COL28A1: variants seen among roughly 807,000 people sequenced by gnomAD.
COL28A1 encodes collagen type XXVIII alpha 1 chain.
COL28A1 carries 161 observed loss-of-function variants against 150.2 expected under a neutral mutation model. The ratio of observed to expected loss-of-function variants is 1.07; its 90% confidence interval spans 0.94 to 1.22. The LOEUF is 1.22. COL28A1 is among the 50% of genes most tolerant of loss of function. COL28A1 has a pLI of 0.00. For synonymous variants in COL28A1, 552 were observed against 469.7 expected (o/e 1.18, Z -2.26); for missense variants, 1,617 against 1,388.3 (o/e 1.16, Z -2.62).
Position 7,373,295 on chromosome 7 carries a change from G to T in COL28A1, c.2611C>A (p.Leu871Met). 1 of 1,614,154 alleles carries T rather than the reference G, an allele frequency of 6.2e-7. No individual in the cohort carries two copies. The highest frequency in any genetic ancestry group is 1.1e-5 in the South Asian group (1 of 91,078). ...FKLAVDNMQYLGEGTYTATAL... is the reference protein window; with the variant it reads ...FKLAVDNMQYMGEGTYTATAL... ...GTGGCTGTGTATGTGCCTTCCCCCAGATACTGCATGTTGTCCACAGCCAAC... is the reference window on the plus strand; with the variant it reads ...GTGGCTGTGTATGTGCCTTCCCCCATATACTGCATGTTGTCCACAGCCAAC... Residue 871 changes from leucine (L) to methionine (M), a missense_variant, in exon 32 of 35, where the codon CTG (leucine) becomes ATG (methionine). Physicochemically the swap from Leu to Met is conservative, Grantham distance 15. Coordinates refer to ENST00000399429, the MANE Select transcript of COL28A1 (RefSeq NM_001037763.3). The surrounding 1 kb of genome is among the most constrained non-coding windows in gnomAD (Gnocchi z 4.1).
At chr7:7,435,354 A>G (rs949803494) in intron 23 of COL28A1, among the ~76,000 whole-genome samples, 4 of 152,212 alleles carry the variant, frequency 2.6e-5, no homozygotes, top group African/African-American at 9.6e-5. Flanking sequence ...TGAGCTGTCT[A>G]TATAGCTTGT....
chr7:7,474,647 G>A lies in COL28A1; in HGVS notation c.1256C>T (p.Pro419Leu). ...GCCTTGTAATCCCTGTGGGCCAGTTGGTCCTTCAGAACCTTTTTCACCCTG... is the reference window on the plus strand; with the variant it reads ...GCCTTGTAATCCCTGTGGGCCAGTTAGTCCTTCAGAACCTTTTTCACCCTG... ...GPKGEKGSEG[P>L]TGPQGLQGLS... The change falls in exon 15 of 35, where the codon CCA becomes CTA. Residue 419 changes from proline (P) to leucine (L), a missense_variant. Transcript: ENST00000399429. The A allele has an allele frequency of 7.0e-7, 1 of 1,429,766 alleles. No homozygotes were observed. The highest frequency in any genetic ancestry group is 9.9e-7 in the Non-Finnish European group (1 of 1,012,194). 88.6% of individuals were successfully genotyped at this position (1,429,766 alleles called of 1,614,324 possible). A position where few individuals can be genotyped will look rare whatever the true frequency, so the allele number is the denominator to read the frequency against.
intron 27 of COL28A1, among the ~76,000 whole-genome samples, chr7:7,411,459 TC>T (rs1288730416): frequency 1.3e-5 from 2 of 152,152 alleles, no homozygotes; most frequent in Non-Finnish European, 2.9e-5. Flanking sequence ...CACCCAGGAC[TC>T]CAAACCTTCC....
intron 16 of COL28A1, 23 bp downstream of exon 16, chr7:7,456,021 G>A (rs1417266260): frequency 6.2e-7 from 1 of 1,613,612 alleles, no homozygotes; most frequent in African/African-American, 1.3e-5. Context: ...GCACTGAAGG[G>A]AAAGGAAGAA....
intron 15 of COL28A1, among the ~76,000 whole-genome samples, chr7:7,471,125 T>TAA (rs746981344): frequency 3.8e-4 from 34 of 88,498 alleles, no homozygotes; most frequent in African/African-American, 1.0e-3. Context: ...AAAAAATAAT[T>TAA]AAAAAAAAAA....
intron 4 of COL28A1, among the ~76,000 whole-genome samples, chr7:7,522,402 G>T (rs934242854): frequency 2.0e-5 from 3 of 152,046 alleles, no homozygotes; most frequent in Non-Finnish European, 4.4e-5. Context: ...ACTAGGCAAA[G>T]GAAAACATTT....
chr7:7,458,785 G>A lies in COL28A1; in HGVS notation c.1303-2673C>T, dbSNP rs1787373352. Among the ~76,000 whole-genome samples, 13 of 152,264 alleles carry A rather than the reference G, an allele frequency of 8.5e-5. No individual in the cohort carries two copies. In the South Asian group the frequency reaches 2.7e-3, roughly 32 times the overall value. On this transcript the variant is annotated intron_variant, in intron 15 of 34. Transcript: ENST00000399429. The stretch of plus-strand genomic sequence containing the variant: ...CTCACCCCAGGTCACGCAACTGTTA[G>A]ACGGCAGAGGTGACAGTCAAGTCCA...
chr7:7,532,759 A>G lies in COL28A1; in HGVS notation c.117T>C (p.Asp39=), dbSNP rs368223243. Residue 39 remains aspartate, a synonymous_variant, in exon 2 of 35, where the codon GAT becomes GAC. Transcript: ENST00000399429. ...CAATTTTTTTTTTTTTACCCTGGAC[A>G]TCACTTTTCCTTGCAAGCAAATTTG... ...PKSNLLARKS[D]VQGSICFIDI... is the part of the protein sequence containing the mutation. 5.0e-6 allele frequency: 8 copies of G among 1,606,508 alleles called. No individual in the cohort carries two copies. The highest frequency in any genetic ancestry group is 6.8e-6 in the Non-Finnish European group (8 of 1,177,762).
intron 31 of COL28A1, among the ~76,000 whole-genome samples, chr7:7,374,497 A>T (rs891157648): frequency 5.3e-5 from 8 of 152,320 alleles, no homozygotes; most frequent in Admixed American, 4.6e-4. Context: ...CATCCATGCT[A>T]TGAAAGCTTT....
At chr7:7,464,336 C>A (rs1787881973) in intron 15 of COL28A1, among the ~76,000 whole-genome samples, 3 of 152,194 alleles carry the variant, frequency 2.0e-5, no homozygotes, top group African/African-American at 7.2e-5. Context: ...ACAGAACATT[C>A]TACCCAACAA....
intron 33 of COL28A1, among the ~76,000 whole-genome samples, chr7:7,362,483 T>C (rs1205841730): frequency 1.3e-5 from 2 of 152,208 alleles, no homozygotes; most frequent in Non-Finnish European, 2.9e-5. Context: ...AGCTGTTCTA[T>C]TGCTTTTGAT....
intron 8 of COL28A1, among the ~76,000 whole-genome samples, chr7:7,514,031 T>C (rs1298967702): frequency 2.6e-5 from 4 of 152,236 alleles, no homozygotes; most frequent in African/African-American, 9.6e-5. Context: ...CAGGGTCACT[T>C]TGCTCTGACA....
intron 23 of COL28A1, among the ~76,000 whole-genome samples, chr7:7,435,842 T>C (rs1246732677): frequency 6.6e-6 from 1 of 152,204 alleles, no homozygotes; most frequent in Non-Finnish European, 1.5e-5. Context: ...AACAGAGATA[T>C]GCTGGTTGAC....
chr7:7,495,399 A>G lies in COL28A1; in HGVS notation c.1027-4753T>C, dbSNP rs144740239. 1.4e-4 allele frequency among the ~76,000 whole-genome samples: 22 copies of G among 152,312 alleles called. No individual in the cohort carries two copies. In the East Asian group the frequency reaches 4.2e-3, roughly 29 times the overall value. ...GGCTCAGGTCAGTACCATGAACAGT[A>G]CCAACATTTAAGTCAGGTGGGAGTG... is the stretch of plus-strand genomic sequence containing the variant. On this transcript the variant is annotated intron_variant, in intron 11 of 34. Transcript: ENST00000399429.
At chr7:7,458,460 CAAA>C (rs964833482) in intron 15 of COL28A1, among the ~76,000 whole-genome samples, 10 of 151,256 alleles carry the variant, frequency 6.6e-5, no homozygotes, top group African/African-American at 2.4e-4. Flanking sequence ...AAAAAACAAA[CAAA>C]AAGAAAAGAA....
chr7:7,443,575 A>G lies in COL28A1; in HGVS notation c.1650+10T>C. On this transcript the variant is annotated intron_variant, in intron 20 of 34. Transcript: ENST00000399429. ...ACAGGCTGCTTCCACCAACACTGTC[A>G]TTTCCATACCTTGGGGCCAGGCTGT... The G allele has an allele frequency of 6.2e-7, 1 of 1,613,996 alleles. No homozygotes were observed. Among genetic ancestry groups the G allele is most frequent in the South Asian group, 1.1e-5 (1 of 91,064 alleles).
chr7:7,383,666 T>TTGTG (rs746358688), intron 27 of COL28A1, among the ~76,000 whole-genome samples: 28 of 107,426 alleles, frequency 2.6e-4, no homozygotes, highest in Middle Eastern at 5.7e-3. Flanking sequence ...TATTTGAAAT[T>TTGTG]TGTGTGTGTG....
At chr7:7,488,222 T>A (rs1779732092) in intron 13 of COL28A1, among the ~76,000 whole-genome samples, 1 of 152,226 alleles carries the variant, frequency 6.6e-6, no homozygotes, top group Non-Finnish European at 1.5e-5. Context: ...ATCTATTTAG[T>A]GGAAACTAAG....
At chr7:7,452,290 A>G (rs1372448115) in intron 18 of COL28A1, 29 bp downstream of exon 18, 12 of 1,593,174 alleles carry the variant, frequency 7.5e-6, no homozygotes, top group Non-Finnish European at 9.4e-6. Flanking sequence ...ATAAAGTATC[A>G]TATCACTTCT....
Sources: allele counts gnomAD v4.1 joint callset (sites outside exome capture counted in the v4.1 genomes callset), GRCh38; gene constraint gnomAD v4.1.1; non-coding constraint Gnocchi (gnomAD v3.1); transcripts MANE v1.5; gene names NCBI Gene and HGNC (gene_info 2026-07-23, HGNC 2026-07-21).